The following RAI14 variants were observed in gnomAD, a reference collection of about 807,000 sequenced individuals.
RAI14 encodes the protein ankycorbin.
In RAI14, 45 loss-of-function variants were observed where a neutral mutation model predicts 115.4. The observed-to-expected ratio is 0.39, with a 90% CI of 0.31 to 0.50. The LOEUF (loss-of-function observed/expected upper bound fraction) is 0.50. RAI14 is among the 20% of genes least tolerant of loss of function. The pLI is 0.85. For missense variants in RAI14, 939 were observed against 1,131.2 expected, an observed-to-expected ratio of 0.83 and a Z score of 2.44; for synonymous variants, 371 against 415.4, an observed-to-expected ratio of 0.89 and a Z score of 1.30.
At chr5:34,721,611 C>T (rs949995322) in intron 2 of RAI14, among the ~76,000 whole-genome samples, 7 of 152,090 alleles carry the variant, frequency 4.6e-5, no homozygotes, top group Non-Finnish European at 4.4e-5. Context: ...CCAGCAATTC[C>T]GTGTCTGCCT....
intron 2 of RAI14, among the ~76,000 whole-genome samples, chr5:34,708,266 G>A (rs530935191): frequency 6.6e-6 from 1 of 150,886 alleles, no homozygotes; most frequent in East Asian, 1.9e-4. Context: ...GCAATGGCGC[G>A]ATCTCGGCTC....
intron 2 of RAI14, among the ~76,000 whole-genome samples, chr5:34,697,563 A>T (rs1739420795): frequency 6.6e-6 from 1 of 152,108 alleles, no homozygotes. Flanking sequence ...CTGATCTGAT[A>T]AGGTGTGGGA....
chr5:34,709,532 TC>T (rs1325490259), intron 2 of RAI14, among the ~76,000 whole-genome samples: 1 of 152,242 alleles, frequency 6.6e-6, no homozygotes, highest in African/African-American at 2.4e-5. Flanking sequence ...AGATGGGTTT[TC>T]CTAGTATTGG....
At chr5:34,825,587 T>C (rs1757352853) in intron 15 of RAI14, among the ~76,000 whole-genome samples, 1 of 151,920 alleles carries the variant, frequency 6.6e-6, no homozygotes, top group African/African-American at 2.4e-5. Flanking sequence ...GACAGGTATA[T>C]AGGAGAGGAA....
intron 2 of RAI14, among the ~76,000 whole-genome samples, chr5:34,715,303 T>C (rs1741860498): frequency 6.6e-6 from 1 of 152,092 alleles, no homozygotes; most frequent in African/African-American, 2.4e-5. Flanking sequence ...GGGGAGTTGA[T>C]TAAGTATGCT....
intron 2 of RAI14, among the ~76,000 whole-genome samples, chr5:34,691,709 G>A (rs1399922750): frequency 6.6e-6 from 1 of 152,114 alleles, no homozygotes; most frequent in African/African-American, 2.4e-5. Context: ...TACTTTGAGG[G>A]TGTGTGCTTA....
intron 3 of RAI14, among the ~76,000 whole-genome samples, chr5:34,782,879 C>T (rs749683871): frequency 5.3e-5 from 8 of 152,194 alleles, no homozygotes; most frequent in South Asian, 2.1e-4. Flanking sequence ...CCACAGGAAT[C>T]GTTGCACAGC....
rs572883459 is a variant in RAI14 at position 34,815,277 on chromosome 5, C to T, written c.939+608C>T. Among the ~76,000 whole-genome samples, 9 of 151,564 alleles carry T rather than the reference C, an allele frequency of 5.9e-5. No homozygotes were observed. In the South Asian group the frequency reaches 1.0e-3, roughly 18 times the overall value. Reference sequence around the variant, plus strand: ...GCACCTTTAATCCCAGCTACTTAGGCGGCTGAGGCAGGAGAATCACTTACA... The same window carrying T: ...GCACCTTTAATCCCAGCTACTTAGGTGGCTGAGGCAGGAGAATCACTTACA... On this transcript the variant is annotated intron_variant, in intron 12 of 17. Transcript: ENST00000265109.
In RAI14 at chr5:34,677,900, A is replaced by G. The variant is rs117362465; in HGVS notation, c.-48-8972A>G. 2.0e-4 allele frequency among the ~76,000 whole-genome samples: 30 copies of G among 152,318 alleles called. No homozygotes were observed. The East Asian group carries it at 5.4e-3, about 27-fold the overall frequency. On this transcript the variant is annotated intron_variant, in intron 1 of 17. Coordinates refer to ENST00000265109, the MANE Select transcript of RAI14 (RefSeq NM_015577.3). Reference sequence around the variant, plus strand: ...AAAAACTGCAATTACTTTTGCACCAATCTAATAACAATAAAAAGTTGTAAT... The same window carrying G: ...AAAAACTGCAATTACTTTTGCACCAGTCTAATAACAATAAAAAGTTGTAAT...
chr5:34,762,929 A>ATGTG lies in RAI14; in HGVS notation c.167+5375_167+5378dup, dbSNP rs34495404. On this transcript the variant is annotated intron_variant, in intron 3 of 17. Transcript: ENST00000265109. ...GTGTGTAGATATAAGGAGTGTGTGC[A>ATGTG]TGTGTGTGTGTGTGTGTGTGTGTGT... 4.0e-3 allele frequency among the ~76,000 whole-genome samples: 514 copies of ATGTG among 129,140 alleles called. 4 individuals are homozygous for ATGTG. The highest frequency in any genetic ancestry group is 9.6e-3 in the East Asian group (43 of 4,488). 84.7% of individuals were successfully genotyped at this position (129,140 alleles called of 152,430 possible).
At chr5:34,761,103 T>C (rs973097597) in intron 3 of RAI14, among the ~76,000 whole-genome samples, 2 of 152,268 alleles carry the variant, frequency 1.3e-5, no homozygotes, top group Non-Finnish European at 2.9e-5. Context: ...GACATATACA[T>C]AGCAGTTAGG....
At chr5:34,807,935 C>A in intron 6 of RAI14, 78 bp downstream of exon 6, 1 of 1,077,422 alleles carries the variant, frequency 9.3e-7, no homozygotes, top group Non-Finnish European at 1.4e-6. Context: ...AGGCCATTAA[C>A]CTTCCATACT....
chr5:34,659,109 A>G (rs768132353), intron 1 of RAI14: 15 of 152,218 alleles, frequency 9.9e-5, no homozygotes, highest in Non-Finnish European at 1.5e-4. Context: ...AAATGGCATA[A>G]TTCTACCTAT....
intron 3 of RAI14, among the ~76,000 whole-genome samples, chr5:34,773,476 C>T (rs1009595810): frequency 2.6e-5 from 4 of 152,096 alleles, no homozygotes; most frequent in Non-Finnish European, 5.9e-5. Context: ...GACAACCTGT[C>T]GAATGAGAGA....
intron 10 of RAI14, 144 bp from the exon 11 acceptor site, chr5:34,813,430 T>C: frequency 3.6e-6 from 2 of 555,174 alleles, no homozygotes; most frequent in South Asian, 5.6e-5. Context: ...TTTATTTTTA[T>C]GTTGGTAGCA....
chr5:34,810,643 C>T (rs1037736651), intron 7 of RAI14, among the ~76,000 whole-genome samples: 9 of 152,202 alleles, frequency 5.9e-5, no homozygotes, highest in South Asian at 4.1e-4. Context: ...TGGTGTCGTG[C>T]GGAGACACGC....
At chr5:34,707,045 C>T (rs891839226) in intron 2 of RAI14, among the ~76,000 whole-genome samples, 1 of 152,200 alleles carries the variant, frequency 6.6e-6, no homozygotes, top group African/African-American at 2.4e-5. Context: ...TTTCAGATAG[C>T]ATCAAAACTT....
chr5:34,793,216 A>G (rs1753130978), intron 3 of RAI14, among the ~76,000 whole-genome samples: 1 of 152,184 alleles, frequency 6.6e-6, no homozygotes, highest in Non-Finnish European at 1.5e-5. Flanking sequence ...CCTTGTATTG[A>G]TCGTGGGCCT....
intron 2 of RAI14, among the ~76,000 whole-genome samples, chr5:34,709,129 CAAAA>C (rs35361351): frequency 3.1e-5 from 3 of 96,028 alleles, no homozygotes; most frequent in Admixed American, 2.3e-4. Context: ...GACCCTATCT[CAAAA>C]AAAAAAAAAA....
Sources: gnomAD v4.1 joint callset for allele counts (sites outside exome capture counted in the v4.1 genomes callset) on GRCh38, gnomAD v4.1.1 for gene constraint, MANE v1.5 for transcripts, NCBI Gene and HGNC (gene_info 2026-07-23, HGNC 2026-07-21) for gene names.